TRAM1: variants seen among roughly 807,000 people sequenced by gnomAD.
The protein encoded by TRAM1 is translocation associated membrane protein 1, also known as translocating chain-associated membrane protein 1.
TRAM1 carries 17 observed loss-of-function variants against 48.7 expected under a neutral mutation model. The ratio of observed to expected loss-of-function variants is 0.35; its 90% CI spans 0.24 to 0.52. The LOEUF is 0.52. TRAM1 is among the 20% of genes least tolerant of loss of function. The pLI is 0.94. For synonymous variants in TRAM1, 182 were observed against 154.0 expected (o/e 1.18, Z -1.34); for missense variants, 351 against 441.5 (o/e 0.79, Z 1.84).
At chr8:70,595,270 T>C (rs1036903805) in intron 5 of TRAM1, among the ~76,000 whole-genome samples, 2 of 151,806 alleles carry the variant, frequency 1.3e-5, no homozygotes, top group African/African-American at 2.4e-5. Context: ...CCTCCAGAAG[T>C]CTAAAATAGA....
rs117584861 is a variant in TRAM1 at position 70,574,935 on chromosome 8, T to C, written c.1122A>G (p.Ser374=). The C allele has an allele frequency of 7.5e-6, 12 of 1,597,514 alleles. No homozygotes were observed. The highest frequency in any genetic ancestry group is 9.4e-6 in the Non-Finnish European group (11 of 1,166,490). Residue 374 remains serine (S), a synonymous_variant, in exon 11 of 11, where the codon TCA becomes TCG. Transcript: ENST00000262213. ...TAATCAATTAGTTTATAATTCATTA[T>C]GAAGATTTCTCTTTTTTATTCCGGG... ...DSPRNKKEKS[S] is the part of the protein sequence containing the mutation.
At chr8:70,603,134 G>A (rs1003497526) in intron 1 of TRAM1, among the ~76,000 whole-genome samples, 1 of 152,052 alleles carries the variant, frequency 6.6e-6, no homozygotes, top group Non-Finnish European at 1.5e-5. Context: ...CATTAGAGCA[G>A]AACGATGACA....
chr8:70,597,585 G>A (rs371499576), intron 4 of TRAM1, among the ~76,000 whole-genome samples: 2 of 140,438 alleles, frequency 1.4e-5, no homozygotes, highest in African/African-American at 2.7e-5. Flanking sequence ...CAGGAGAATC[G>A]CTTGAACCCG....
chr8:70,589,471 C>T (rs952370877), intron 6 of TRAM1, among the ~76,000 whole-genome samples: 3 of 152,128 alleles, frequency 2.0e-5, no homozygotes, highest in African/African-American at 7.2e-5. Flanking sequence ...CAGTGTTTCC[C>T]AGTGTGGTGT....
At chr8:70,595,312 C>T (rs1258603211) in intron 5 of TRAM1, among the ~76,000 whole-genome samples, 2 of 151,734 alleles carry the variant, frequency 1.3e-5, no homozygotes, top group African/African-American at 2.4e-5. Flanking sequence ...TCTTGGTGGT[C>T]GGGGTGGAGA....
In TRAM1 at chr8:70,593,791, T is replaced by TCAGGGCA. The variant is rs980621279; in HGVS notation, c.570+708_570+714dup. ...AAGATGGTGGCGATGGGAGAAACTC[T>TCAGGGCA]CAGGGCACAGTTGAGCAGCATTACT... On this transcript the variant is annotated intron_variant, in intron 6 of 10. Transcript: ENST00000262213. Among the ~76,000 whole-genome samples, 7 of 151,454 alleles carry TCAGGGCA rather than the reference T, an allele frequency of 4.6e-5. No individual in the cohort carries two copies. In the East Asian group the frequency reaches 1.2e-3, roughly 25 times the overall value.
chr8:70,598,351 C>A, intron 2 of TRAM1, 96 bp from the exon 3 acceptor site: 2 of 1,278,288 alleles, frequency 1.6e-6, no homozygotes, highest in Non-Finnish European at 2.1e-6. Flanking sequence ...AGAAGAATAA[C>A]CTAATAAAAA....
At chr8:70,594,399 G>C (rs3816745) in intron 6 of TRAM1, 107 bp downstream of exon 6, 257,675 of 695,892 alleles carry the variant, frequency 0.37, 53,451 homozygotes, top group Non-Finnish European at 0.44. Flanking sequence ...GTTGAGGTAA[G>C]AAGAATGGAG....
At chr8:70,588,687 T>G (rs183033411) in intron 6 of TRAM1, among the ~76,000 whole-genome samples, 142 of 152,342 alleles carry the variant, frequency 9.3e-4, no homozygotes, top group Non-Finnish European at 1.2e-3. Flanking sequence ...ACACAATGAA[T>G]TATGATGTAA....
intron 10 of TRAM1, among the ~76,000 whole-genome samples, chr8:70,578,985 G>GA (rs1332206395): frequency 2.0e-5 from 3 of 152,156 alleles, no homozygotes; most frequent in South Asian, 4.1e-4. Context: ...TTTTGAGAGA[G>GA]AAAAATACCA....
Position 70,574,332 on chromosome 8 carries a change from C to T in TRAM1, c.*600G>A, listed in dbSNP as rs1413034041. Reference sequence around the variant, plus strand: ...GTTAGTAAAACTCCACGTGTTGTAACGATTATTATGTTTTTGTTTTTAAAA... The same window carrying T: ...GTTAGTAAAACTCCACGTGTTGTAATGATTATTATGTTTTTGTTTTTAAAA... On this transcript the variant is annotated 3_prime_UTR_variant, in exon 11 of 11. Transcript: ENST00000262213. 3.6e-5 allele frequency: 12 copies of T among 331,120 alleles called. 1 individual carries two copies. In the Admixed American group the frequency reaches 5.9e-4, roughly 16 times the overall value. 20.5% of individuals were successfully genotyped at this position (331,120 alleles called of 1,614,324 possible). A position where few individuals can be genotyped will look rare whatever the true frequency, so the allele number is the denominator to read the frequency against.
At chr8:70,603,145 T>A (rs1006583890) in intron 1 of TRAM1, among the ~76,000 whole-genome samples, 2 of 152,156 alleles carry the variant, frequency 1.3e-5, no homozygotes, top group East Asian at 3.8e-4. Context: ...AACGATGACA[T>A]GAGTCTCCAG....
intron 6 of TRAM1, among the ~76,000 whole-genome samples, chr8:70,591,001 T>C (rs1310261390): frequency 7.6e-6 from 1 of 131,984 alleles, no homozygotes; most frequent in Non-Finnish European, 1.7e-5. Flanking sequence ...ACAACAACAA[T>C]AATAATAAAA....
Position 70,608,362 on chromosome 8 carries a change from G to T in TRAM1, c.-163C>A. 1.5e-6 allele frequency: 1 copy of T among 682,448 alleles called. No homozygotes were observed. The highest frequency in any genetic ancestry group is 2.8e-5 in the South Asian group (1 of 35,958). The allele number at this position is 682,448 out of a possible 1,614,324, so 42.3% of individuals were successfully genotyped here. On this transcript the variant is annotated 5_prime_UTR_variant, in exon 1 of 11. Coordinates refer to ENST00000262213, the MANE Select transcript of TRAM1 (RefSeq NM_014294.6). Reference sequence around the variant, plus strand: ...CCCACAGCCAGTACGCAGCCGCCGGGCCGCCCGGGGGAAAAAAAAAAACAC... The same window carrying T: ...CCCACAGCCAGTACGCAGCCGCCGGTCCGCCCGGGGGAAAAAAAAAAACAC...
chr8:70,583,665 T>C lies in TRAM1; in HGVS notation c.875A>G (p.Asn292Ser). 6.2e-7 allele frequency: 1 copy of C among 1,612,678 alleles called. No homozygotes were observed. Among genetic ancestry groups the C allele is most frequent in the Non-Finnish European group, 8.5e-7 (1 of 1,179,642 alleles). ...TTGATCGTACCTAACAGCTAACACA[T>C]TGAAGTTTCCAGTACTGAAATCCAG... ...QKLDFSTGNF[N>S]VLAVRIAVLA... The change falls in exon 9 of 11, where the codon AAT (asparagine) becomes AGT (serine). Residue 292 changes from asparagine to serine, a missense_variant. Asn to Ser is a conservative substitution (Grantham distance 46). Coordinates refer to ENST00000262213, the MANE Select transcript of TRAM1 (RefSeq NM_014294.6).
In TRAM1 at chr8:70,574,156, T is replaced by C. The variant is rs1816888818; in HGVS notation, c.*776A>G. The C allele has an allele frequency of 2.8e-6, 1 of 362,116 alleles. No homozygotes were observed. Among genetic ancestry groups the C allele is most frequent in the Non-Finnish European group, 5.2e-6 (1 of 192,062 alleles). 22.4% of individuals were successfully genotyped at this position (362,116 alleles called of 1,614,324 possible). On this transcript the variant is annotated 3_prime_UTR_variant, in exon 11 of 11. Transcript: ENST00000262213. ...TTATTATGAGCCCCATTAAGAATCATTATTAATAAACATATCAAAAAGGGC... is the reference window on the plus strand; with the variant it reads ...TTATTATGAGCCCCATTAAGAATCACTATTAATAAACATATCAAAAAGGGC...
intron 1 of TRAM1, chr8:70,607,068 AAAT>A: frequency 1.1e-6 from 1 of 930,908 alleles, no homozygotes; most frequent in Non-Finnish European, 1.3e-6. Flanking sequence ...GGCAGGAGCA[AAAT>A]AATTTGTATA....
intron 4 of TRAM1, among the ~76,000 whole-genome samples, chr8:70,596,815 T>C (rs1817496837): frequency 7.5e-6 from 1 of 133,924 alleles, no homozygotes; most frequent in Non-Finnish European, 1.6e-5. Flanking sequence ...AATTACTGCA[T>C]ATGTAAAAAA....
At chr8:70,575,392 CG>C (rs1462067611) in intron 10 of TRAM1, among the ~76,000 whole-genome samples, 5 of 152,052 alleles carry the variant, frequency 3.3e-5, no homozygotes, top group African/African-American at 1.2e-4. Flanking sequence ...TATGTGGAGG[CG>C]TGTATTATGG....
Sources: gnomAD v4.1 joint callset for allele counts (sites outside exome capture counted in the v4.1 genomes callset) on GRCh38, gnomAD v4.1.1 for gene constraint, MANE v1.5 for transcripts, NCBI Gene and HGNC (gene_info 2026-07-23, HGNC 2026-07-21) for gene names.